Variants in TRAF7 observed in about 807,000 individuals in gnomAD.
TRAF7 encodes TNF receptor associated factor 7.
Under a neutral mutation model 89.3 loss-of-function variants are expected in TRAF7, and 45 were observed. The observed-to-expected ratio is 0.50, with a 90% CI of 0.40 to 0.65. The LOEUF is 0.65. Among genes scored for constraint, TRAF7 ranks in the 30% least tolerant of loss-of-function variants. The pLI is 0.00. For missense variants in TRAF7, 677 were observed against 918.1 expected, an observed-to-expected ratio of 0.74 and a Z score of 3.39; for synonymous variants, 406 against 369.2, an observed-to-expected ratio of 1.10 and a Z score of -1.14.
chr16:2,173,857 G>GCGGGGGGCCCCCC, intron 12 of TRAF7, 21 bp downstream of exon 12: 7 of 1,607,478 alleles, frequency 4.4e-6, no homozygotes, highest in African/African-American at 1.3e-5. Context: ...ACCCGCCGTG[G>GCGGGGGGCCCCCC]CTCCCGCCCA....
chr16:2,157,707 C>G (rs968730644), intron 1 of TRAF7, among the ~76,000 whole-genome samples: 1 of 150,302 alleles, frequency 6.7e-6, no homozygotes, highest in Non-Finnish European at 1.5e-5. Flanking sequence ...GGCCAGGAGG[C>G]CTGGGCAGCC....
chr16:2,173,908 C>T lies in TRAF7; in HGVS notation c.1136-13C>T. 1 of 1,610,488 alleles carries T rather than the reference C, an allele frequency of 6.2e-7. No homozygotes were observed. Among genetic ancestry groups the T allele is most frequent in the Non-Finnish European group, 8.5e-7 (1 of 1,179,190 alleles). The stretch of plus-strand genomic sequence containing the variant: ...CCCAACTGGGCCTTCACCCACTGCT[C>T]CCATCTCTGCAGCCTACGACCCTCA... On this transcript the variant is annotated splice_polypyrimidine_tract_variant and intron_variant, in intron 12 of 20. Coordinates refer to ENST00000326181, the MANE Select transcript of TRAF7 (RefSeq NM_032271.3).
chr16:2,173,871 TC>T (rs763463246), intron 12 of TRAF7, 35 bp downstream of exon 12: 5 of 341,542 alleles, frequency 1.5e-5, no homozygotes, highest in South Asian at 2.4e-5. Flanking sequence ...CCGCCCACCC[TC>T]CCCCCCGGGC....
intron 7 of TRAF7, 142 bp from the exon 8 acceptor site, chr16:2,172,049 C>T: frequency 4.2e-6 from 4 of 954,310 alleles, no homozygotes; most frequent in Non-Finnish European, 6.3e-6. Context: ...TTCTTGGTGG[C>T]CCACCTGTGC....
At chr16:2,160,167 G>A (rs980495502) in intron 1 of TRAF7, among the ~76,000 whole-genome samples, 1 of 152,056 alleles carries the variant, frequency 6.6e-6, no homozygotes, top group Admixed American at 6.5e-5. Flanking sequence ...TGAATGTGGG[G>A]TGGACAAAGA....
chr16:2,171,531 G>A, intron 6 of TRAF7, 41 bp from the exon 7 acceptor site: 1 of 1,612,840 alleles, frequency 6.2e-7, no homozygotes, highest in Non-Finnish European at 8.5e-7. Flanking sequence ...GGGAAAAAGA[G>A]GACCCTGCGC....
chr16:2,171,338 C>T lies in TRAF7; in HGVS notation c.423C>T (p.Pro141=), dbSNP rs1016044219. ...CQLCCSVFKD[P]VITTCGHTFC... ...TCTGCTGCAGCGTCTTCAAAGACCC[C>T]GTGATCACCACGTGTGGGGTGAGCC... The change falls in exon 6 of 21, where the codon CCC becomes CCT. Residue 141 remains proline, a synonymous_variant. Transcript: ENST00000326181. 14 of 1,553,824 alleles carry T rather than the reference C, an allele frequency of 9.0e-6. No individual in the cohort carries two copies. The highest frequency in any genetic ancestry group is 1.2e-5 in the South Asian group (1 of 84,540).
At chr16:2,166,666 T>C (rs1427777527) in intron 3 of TRAF7, among the ~76,000 whole-genome samples, 1 of 152,200 alleles carries the variant, frequency 6.6e-6, no homozygotes, top group Non-Finnish European at 1.5e-5. Context: ...CCTCCCAAAG[T>C]GCTGGAATTA....
At chr16:2,173,859 T>TTGCGCCCCCCCCCC in intron 12 of TRAF7, 23 bp downstream of exon 12, 1 of 1,246,256 alleles carries the variant, frequency 8.0e-7, no homozygotes, top group Non-Finnish European at 1.1e-6. Context: ...CCGCCGTGGC[T>TTGCGCCCCCCCCCC]CCCGCCCACC....
chr16:2,163,941 C>T lies in TRAF7; in HGVS notation c.21C>T (p.Ala7=). 4 of 1,612,788 alleles carry T rather than the reference C, an allele frequency of 2.5e-6. No individual in the cohort carries two copies. The highest frequency in any genetic ancestry group is 2.5e-6 in the Non-Finnish European group (3 of 1,179,798). The change falls in exon 2 of 21, where the codon GCC becomes GCT. Residue 7 remains alanine, a synonymous_variant. Coordinates refer to ENST00000326181, the MANE Select transcript of TRAF7 (RefSeq NM_032271.3). The surrounding 1 kb of genome is among the most constrained non-coding windows in gnomAD (Gnocchi z 4.3). The part of the protein sequence containing the change: MSSGKS[A]RYNRFSGGPS... ...AGAGCATGAGCTCAGGCAAGAGTGCCCGCTACAACCGCTTCTCCGGGGGGC... is the reference window on the plus strand; with the variant it reads ...AGAGCATGAGCTCAGGCAAGAGTGCTCGCTACAACCGCTTCTCCGGGGGGC...
chr16:2,170,787 C>A, intron 5 of TRAF7, 57 bp downstream of exon 5: 1 of 1,481,190 alleles, frequency 6.8e-7, no homozygotes, highest in Non-Finnish European at 9.2e-7. Flanking sequence ...GCAGCCGTGG[C>A]ACGGAGGCAC....
intron 11 of TRAF7, 105 bp downstream of exon 11, chr16:2,173,659 G>A (rs539121194): frequency 1.3e-6 from 2 of 1,570,330 alleles, no homozygotes; most frequent in East Asian, 2.3e-5. Context: ...AAGATCAGGG[G>A]TCTTGTGTGT....
intron 12 of TRAF7, 21 bp downstream of exon 12, chr16:2,173,857 G>GCGGGGGCGCCCCC: frequency 6.2e-7 from 1 of 1,607,498 alleles, no homozygotes; most frequent in Non-Finnish European, 8.5e-7. Flanking sequence ...ACCCGCCGTG[G>GCGGGGGCGCCCCC]CTCCCGCCCA....
In TRAF7 at chr16:2,176,678, C is replaced by A; in HGVS notation, c.*104C>A. 1 of 1,555,064 alleles carries A rather than the reference C, an allele frequency of 6.4e-7. No individual in the cohort carries two copies. Among genetic ancestry groups the A allele is most frequent in the Non-Finnish European group, 8.8e-7 (1 of 1,133,900 alleles). On this transcript the variant is annotated 3_prime_UTR_variant, in exon 21 of 21. Coordinates refer to ENST00000326181, the MANE Select transcript of TRAF7 (RefSeq NM_032271.3). ...TCGGGGTTTCTGCCTGCCCCGTGGG[C>A]ATAGGTGGACAGGCTCTGGCAGCCG...
At chr16:2,171,459 C>G (rs1005041752) in intron 6 of TRAF7, 103 bp downstream of exon 6, 1 of 1,558,940 alleles carries the variant, frequency 6.4e-7, no homozygotes, top group African/African-American at 1.4e-5. Flanking sequence ...TGGTCAAGGC[C>G]TGTCCTGGCT....
intron 3 of TRAF7, among the ~76,000 whole-genome samples, chr16:2,166,928 C>G (rs1383151729): frequency 6.6e-6 from 1 of 152,200 alleles, no homozygotes; most frequent in Non-Finnish European, 1.5e-5. Flanking sequence ...GTTCTCTCTC[C>G]TTTCTGGCAC....
chr16:2,173,147 G>A, intron 9 of TRAF7, 35 bp from the exon 10 acceptor site: 1 of 1,581,908 alleles, frequency 6.3e-7, no homozygotes, highest in Non-Finnish European at 8.6e-7. Context: ...CACCGGCAGG[G>A]ACCCGCCAGG....
At chr16:2,172,419 T>G (rs1306312231) in intron 8 of TRAF7, 45 bp downstream of exon 8, 8 of 1,610,752 alleles carry the variant, frequency 5.0e-6, no homozygotes, top group Non-Finnish European at 6.8e-6. Flanking sequence ...GGGGGCTGCT[T>G]CTCAGGGCTC....
intron 1 of TRAF7, among the ~76,000 whole-genome samples, chr16:2,160,720 C>G (rs1202389466): frequency 1.3e-5 from 2 of 152,110 alleles, no homozygotes; most frequent in African/African-American, 4.8e-5. Flanking sequence ...CCCCACTTCC[C>G]CAGCACTGGG....
Sources: allele counts gnomAD v4.1 joint callset (sites outside exome capture counted in the v4.1 genomes callset), GRCh38; gene constraint gnomAD v4.1.1; non-coding constraint Gnocchi (gnomAD v3.1); transcripts MANE v1.5; gene names NCBI Gene and HGNC (gene_info 2026-07-23, HGNC 2026-07-21).